SLC4A2: variants seen among roughly 807,000 people sequenced by gnomAD.
The protein encoded by SLC4A2 is anion exchange protein 2.
Under a neutral mutation model 115.0 loss-of-function variants are expected in SLC4A2, and 36 were observed. The observed-to-expected ratio is 0.31, with a 90% CI of 0.24 to 0.41. SLC4A2 has a LOEUF of 0.41. Ranked by LOEUF, SLC4A2 falls within the 10% of genes least tolerant of loss-of-function variation. The pLI is 1.00. For missense variants in SLC4A2, 1,252 were observed against 1,705.6 expected (o/e 0.73, Z 4.68); for synonymous variants, 708 against 708.3 (o/e 1.00, Z 0.01).
At chr7:151,062,448 C>T (rs1797081411) in intron 2 of SLC4A2, 1 of 1,083,426 alleles carries the variant, frequency 9.2e-7, no homozygotes, top group South Asian at 2.0e-5. Flanking sequence ...GCCACCCAGG[C>T]CCGCCCCTCC....
At chr7:151,069,414 G>A (rs539323240) in intron 8 of SLC4A2, among the ~76,000 whole-genome samples, 32 of 152,314 alleles carry the variant, frequency 2.1e-4, no homozygotes, top group African/African-American at 5.3e-4. Context: ...GTGCAATGGC[G>A]AGGGGAGGTT....
chr7:151,062,614 CCTT>C (rs761063738), intron 2 of SLC4A2: 79 of 1,515,168 alleles, frequency 5.2e-5, no homozygotes, highest in Non-Finnish European at 4.3e-5. Flanking sequence ...CCCTCCCCCT[CCTT>C]CTCAGGTTCA....
chr7:151,074,111 A>G lies in SLC4A2; in HGVS notation c.2608A>G (p.Thr870Ala). 6.2e-7 allele frequency: 1 copy of G among 1,611,722 alleles called. No individual in the cohort carries two copies. The highest frequency in any genetic ancestry group is 8.5e-7 in the Non-Finnish European group (1 of 1,179,338). ...SSEVDGGENMTWAGARPTLGP... is the reference protein window; with the variant it reads ...SSEVDGGENMAWAGARPTLGP... ...AGAGGTGGACGGCGGTGAGAACATG[A>G]CATGGGCCGGGGCAAGACCCACGCT... The change falls in exon 17 of 23, where the codon ACA becomes GCA. Residue 870 changes from threonine to alanine, a missense_variant. Around this residue, in one of 14 missense-constraint regions of SLC4A2, gnomAD observed 55 missense variants for 48.6 expected, o/e 1.13. Coordinates refer to ENST00000413384, the MANE Select transcript of SLC4A2 (RefSeq NM_003040.4).
Position 151,064,225 on chromosome 7 carries a change from T to C in SLC4A2, c.75T>C (p.Pro25=). 6.2e-7 allele frequency: 1 copy of C among 1,612,420 alleles called. No homozygotes were observed. Among genetic ancestry groups the C allele is most frequent in the Non-Finnish European group, 8.5e-7 (1 of 1,179,930 alleles). ...AGCCAGAGCCAGAGAGCTTGGGCCC[T>C]GGGACGCCTGGGTTCCCCGAGCAGG... is the stretch of plus-strand genomic sequence containing the variant. The part of the protein sequence containing the change: ...FCTPEPESLG[P]GTPGFPEQEE... Residue 25 remains proline (P), a synonymous_variant, in exon 3 of 23, where the codon CCT becomes CCC. Coordinates refer to ENST00000413384, the MANE Select transcript of SLC4A2 (RefSeq NM_003040.4).
rs1353254744 is a variant in SLC4A2 at position 151,066,505 on chromosome 7, C to T, written c.579-12C>T. 16 of 1,491,340 alleles carry T rather than the reference C, an allele frequency of 1.1e-5. No homozygotes were observed. Among genetic ancestry groups the T allele is most frequent in the Non-Finnish European group, 1.4e-5 (16 of 1,120,946 alleles). 92.4% of individuals were successfully genotyped at this position (1,491,340 alleles called of 1,614,324 possible). On this transcript the variant is annotated splice_polypyrimidine_tract_variant and intron_variant, in intron 5 of 22. Transcript: ENST00000413384. ...CAGGTTTCTCGGGCTCACGGCCATTCTGTCTGCCTAGAACCCAGGTGGAGG... is the reference window on the plus strand; with the variant it reads ...CAGGTTTCTCGGGCTCACGGCCATTTTGTCTGCCTAGAACCCAGGTGGAGG...
rs537018427 is a variant in SLC4A2 at position 151,066,524 on chromosome 7, G to A, written c.586G>A (p.Val196Met). The change falls in exon 6 of 23, where the codon GTG becomes ATG. Residue 196 changes from valine (V) to methionine (M), a missense_variant. Physicochemically the swap from Val to Met is conservative, Grantham distance 21 (BLOSUM62 1). Transcript: ENST00000413384. ...GCCATTCTGTCTGCCTAGAACCCAG[G>A]TGGAGGAGGCGGAGGCGGAGGCGGT... ...ASKGAQAGTQ[V>M]EEAEAEAVAV... is the part of the protein sequence containing the mutation. 8.0e-5 allele frequency: 122 copies of A among 1,522,776 alleles called. No individual in the cohort carries two copies. In the South Asian group the frequency reaches 1.3e-3, roughly 16 times the overall value. The allele number at this position is 1,522,776 out of a possible 1,614,324, so 94.3% of individuals were successfully genotyped here. A position where few individuals can be genotyped will look rare whatever the true frequency, so the allele number is the denominator to read the frequency against.
chr7:151,071,640 C>T lies in SLC4A2; in HGVS notation c.2191+35C>T. On this transcript the variant is annotated intron_variant, in intron 14 of 22. Transcript: ENST00000413384. This position sits in a 1 kb window ranked among gnomAD's most constrained non-coding sequence, Gnocchi z 5.5. ...GCCTTCAGGTAGGGGGCGGCGGGGA[C>T]TGCCCAGGGCCTGGCCACCAGCTCC... 6.2e-7 allele frequency: 1 copy of T among 1,613,122 alleles called. No homozygotes were observed. Among genetic ancestry groups the T allele is most frequent in the Non-Finnish European group, 8.5e-7 (1 of 1,179,640 alleles).
chr7:151,076,293 G>A lies in SLC4A2; in HGVS notation c.3652G>A (p.Ala1218Thr). 6.4e-7 allele frequency: 1 copy of A among 1,559,602 alleles called. No homozygotes were observed. ...FTDREMKCLD[A>T]NEAEPVFDER... The stretch of plus-strand genomic sequence containing the variant: ...GCCACCTCCCCACACACAGCTGGAT[G>A]CTAACGAGGCAGAGCCGGTGTTTGA... The change falls in exon 23 of 23, where the codon GCT becomes ACT. Residue 1218 changes from alanine to threonine, a missense_variant. Ala to Thr is a moderately conservative substitution (Grantham distance 58). Transcript: ENST00000413384.
chr7:151,063,016 C>T (rs1005635407), intron 2 of SLC4A2: 85 of 1,455,012 alleles, frequency 5.8e-5, no homozygotes, highest in Non-Finnish European at 7.5e-5. Context: ...GGTCCAGAAG[C>T]TCTTGAGCAA....
At chr7:151,061,609 C>A (rs1304490393) in intron 1 of SLC4A2, 5 of 252,290 alleles carry the variant, frequency 2.0e-5, no homozygotes, top group Non-Finnish European at 3.9e-5. Flanking sequence ...CCTCCCTCAT[C>A]TTTGTTGCTT....
At chr7:151,062,825 C>T in intron 2 of SLC4A2, 3 of 1,376,888 alleles carry the variant, frequency 2.2e-6, no homozygotes, top group Admixed American at 3.5e-5. Context: ...GAAGCCAGCC[C>T]CCTGGCCCGC....
At chr7:151,074,575 T>A (rs1317327041) in intron 18 of SLC4A2, 87 bp downstream of exon 18, 48 of 1,587,708 alleles carry the variant, frequency 3.0e-5, no homozygotes, top group Non-Finnish European at 4.0e-5. Context: ...ACCCAGCCTG[T>A]CCTTAAGCTT....
chr7:151,075,722 C>T lies in SLC4A2; in HGVS notation c.3418C>T (p.His1140Tyr), dbSNP rs139739553. The change falls in exon 21 of 23, where the codon CAT (histidine) becomes TAT (tyrosine). Residue 1140 changes from histidine to tyrosine, a missense_variant. By Grantham distance (83) the His-to-Tyr change is moderately conservative (BLOSUM62 2). Around this residue, in one of 14 missense-constraint regions of SLC4A2, gnomAD observed 253 missense variants for 407.4 expected, o/e 0.62. Transcript: ENST00000413384. ...CGGGATCCAGTTCTATGAGCGGCTG[C>T]ATCTGCTGCTCATGCCGCCCAAACA... ...LNGIQFYERLHLLLMPPKHHP... is the reference protein window; with the variant it reads ...LNGIQFYERLYLLLMPPKHHP... The T allele has an allele frequency of 2.9e-5, 46 of 1,611,042 alleles. No individual in the cohort carries two copies. Among genetic ancestry groups the T allele is most frequent in the Non-Finnish European group, 3.8e-5 (45 of 1,177,640 alleles).
chr7:151,070,420 G>C (rs771608927), intron 10 of SLC4A2, 37 bp from the exon 11 acceptor site: 13 of 1,611,040 alleles, frequency 8.1e-6, no homozygotes, highest in African/African-American at 2.7e-5. Context: ...AGAGTGGGAG[G>C]GGCCTGGCTG....
At chr7:151,073,290 G>A (rs1344319867) in intron 16 of SLC4A2, among the ~76,000 whole-genome samples, 3 of 106,212 alleles carry the variant, frequency 2.8e-5, no homozygotes, top group Admixed American at 2.5e-4. Context: ...TATTTTATTT[G>A]TTTATTTGTT....
At chr7:151,068,122 C>A (rs1448172081) in intron 8 of SLC4A2, 68 bp downstream of exon 8, 2 of 1,233,030 alleles carry the variant, frequency 1.6e-6, no homozygotes, top group Non-Finnish European at 2.1e-6. Flanking sequence ...GGCCCCAAAT[C>A]TGTCTTGAGC....
At chr7:151,068,829 AT>A (rs1358823923) in intron 8 of SLC4A2, among the ~76,000 whole-genome samples, 27 of 151,240 alleles carry the variant, frequency 1.8e-4, no homozygotes, top group Non-Finnish European at 1.2e-4. Flanking sequence ...TTAAAATTAA[AT>A]TAAAAAAAAA....
At chr7:151,061,578 T>G (rs1797047071) in intron 1 of SLC4A2, 1 of 192,322 alleles carries the variant, frequency 5.2e-6, no homozygotes, top group Non-Finnish European at 1.1e-5. Context: ...ACTCCCCTCT[T>G]TCCCCAGCTC....
intron 2 of SLC4A2, among the ~76,000 whole-genome samples, 160 bp downstream of exon 2, chr7:151,062,198 G>T (rs141413890): frequency 3.3e-5 from 5 of 152,138 alleles, no homozygotes; most frequent in East Asian, 1.9e-4. Context: ...ATGGTCGTAG[G>T]GGGGGATGGG....
Sources: allele counts gnomAD v4.1 joint callset (sites outside exome capture counted in the v4.1 genomes callset), GRCh38; gene constraint gnomAD v4.1.1; regional missense constraint gnomAD v4.1.1; non-coding constraint Gnocchi (gnomAD v3.1); transcripts MANE v1.5; gene names NCBI Gene and HGNC (gene_info 2026-07-23, HGNC 2026-07-21).